The following PKD1L3 variants were observed in gnomAD, a reference collection of about 807,000 sequenced individuals.
PKD1L3 encodes polycystin-1-like protein 3.
Under a neutral mutation model 184.1 loss-of-function variants are expected in PKD1L3, and 239 were observed. The ratio of observed to expected loss-of-function variants is 1.30; its 90% CI spans 1.17 to 1.45. The LOEUF is 1.45. PKD1L3 is among the 40% of genes most tolerant of loss of function. PKD1L3 has a pLI of 0.00. For missense variants in PKD1L3, 2,660 were observed against 2,067.2 expected (o/e 1.29, Z -5.56); for synonymous variants, 996 against 778.8 (o/e 1.28, Z -4.64).
Position 71,969,969 on chromosome 16 carries a change from T to C in PKD1L3, c.2090A>G (p.Asn697Ser). ...TIKLFLRVTN[N>S]PVGVSLLASL... ...GGCCAGCAGTGACACCCCAACAGGA[T>C]TGTTGGTCACGCGAAGGAACAGTTT... is the stretch of plus-strand genomic sequence containing the variant. The change falls in exon 13 of 30, where the codon AAT becomes AGT. Residue 697 changes from asparagine (N) to serine (S), a missense_variant. Transcript: ENST00000620267. 8 of 1,551,794 alleles carry C rather than the reference T, an allele frequency of 5.2e-6. No homozygotes were observed. In the South Asian group the frequency reaches 7.1e-5, roughly 14 times the overall value.
At position 71,977,351 on chromosome 16, in the gene PKD1L3, G is replaced by A. The variant is rs1013604440; in HGVS notation, c.1644C>T (p.Ser548=). 6.5e-7 allele frequency: 1 copy of A among 1,548,370 alleles called. No homozygotes were observed. The highest frequency in any genetic ancestry group is 1.4e-5 in the African/African-American group (1 of 72,956). ...TTAAAAGGGGACTGTCAGGATCTAT[G>A]CTCACTATCAAGGATTTCTCCAAGG... is the stretch of plus-strand genomic sequence containing the variant. ...VTSLEKSLIV[S]IDPDSPLLMT... is the part of the protein sequence containing the mutation. Residue 548 remains serine, a synonymous_variant, in exon 11 of 30, where the codon AGC becomes AGT. Coordinates refer to ENST00000620267, the MANE Select transcript of PKD1L3 (RefSeq NM_181536.2).
chr16:71,985,400 C>T (rs1396779078), intron 5 of PKD1L3, among the ~76,000 whole-genome samples: 1 of 152,126 alleles, frequency 6.6e-6, no homozygotes, highest in African/African-American at 2.4e-5. Context: ...TTATTTTCTT[C>T]AGTCAATACT....
At chr16:71,938,145 C>A (rs2038242404) in intron 24 of PKD1L3, among the ~76,000 whole-genome samples, 1 of 152,150 alleles carries the variant, frequency 6.6e-6, no homozygotes, top group South Asian at 2.1e-4. Context: ...CTCAGGAAAC[C>A]CCCCTGCCCC....
rs201167023 is a variant in PKD1L3 at position 71,930,099 on chromosome 16, C to G, written c.5011G>C (p.Val1671Leu). 1 of 1,551,422 alleles carries G rather than the reference C, an allele frequency of 6.4e-7. No homozygotes were observed. Among genetic ancestry groups the G allele is most frequent in the Admixed American group, 2.0e-5 (1 of 50,978 alleles). Residue 1671 changes from valine to leucine, a missense_variant, in exon 29 of 30, where the codon GTT becomes CTT. Physicochemically the swap from Val to Leu is conservative, Grantham distance 32 (BLOSUM62 1). Coordinates refer to ENST00000620267, the MANE Select transcript of PKD1L3 (RefSeq NM_181536.2). ...CCAAAGGCCATGAGAATGGCCGAAA[C>G]GAAAAGATTAATTACCACAAGTACC... ...LMVLVVINLF[V>L]SAILMAFGKE... is the part of the protein sequence containing the mutation.
chr16:71,937,597 A>C (rs1018621356), intron 24 of PKD1L3, among the ~76,000 whole-genome samples, 178 bp from the exon 25 acceptor site: 1 of 152,198 alleles, frequency 6.6e-6, no homozygotes, highest in African/African-American at 2.4e-5. Flanking sequence ...TCATGTATGC[A>C]AAGCTATTGG....
At chr16:71,997,817 C>T (rs903783377) in intron 2 of PKD1L3, among the ~76,000 whole-genome samples, 14 of 151,908 alleles carry the variant, frequency 9.2e-5, no homozygotes, top group African/African-American at 2.9e-4. Context: ...CAAATGCATA[C>T]GTACATACAT....
intron 16 of PKD1L3, among the ~76,000 whole-genome samples, chr16:71,959,066 A>G (rs2143482294): frequency 6.9e-6 from 1 of 145,192 alleles, no homozygotes; most frequent in African/African-American, 2.6e-5. Context: ...CCTGGATGAC[A>G]GAGCAAGACT....
At chr16:71,979,480 AC>A (rs1173026324) in intron 9 of PKD1L3, among the ~76,000 whole-genome samples, 2 of 152,100 alleles carry the variant, frequency 1.3e-5, no homozygotes, top group Admixed American at 6.6e-5. Context: ...ACAAAACAAA[AC>A]AAAACAAAAC....
At chr16:71,972,134 T>C (rs1027098769) in intron 12 of PKD1L3, among the ~76,000 whole-genome samples, 7 of 152,012 alleles carry the variant, frequency 4.6e-5, no homozygotes, top group African/African-American at 1.5e-4. Context: ...GAGAATGGCA[T>C]GAACCTGGGA....
intron 7 of PKD1L3, among the ~76,000 whole-genome samples, chr16:71,980,726 T>C (rs1156584980): frequency 2.0e-5 from 3 of 152,110 alleles, no homozygotes; most frequent in Non-Finnish European, 4.4e-5. Flanking sequence ...TCTCAGCTAC[T>C]TGGGAGGCTG....
rs2040784028 is a variant in PKD1L3 at position 71,996,356 on chromosome 16, G to A, written c.418+1916C>T. On this transcript the variant is annotated intron_variant, in intron 2 of 29. Coordinates refer to ENST00000620267, the MANE Select transcript of PKD1L3 (RefSeq NM_181536.2). ...GGCTGACTGCAACCTCCGCCTCCCG[G>A]TTCAAGCGATTCTCCTGCCTCAGCC... Among the ~76,000 whole-genome samples the A allele has an allele frequency of 2.1e-5, 3 of 144,938 alleles. No individual in the cohort carries two copies. The South Asian group carries it at 6.7e-4, about 32-fold the overall frequency.
At position 71,935,395 on chromosome 16, in the gene PKD1L3, T is replaced by TA; in HGVS notation, c.4575dup (p.Lys1526Ter). 2.6e-6 allele frequency: 4 copies of TA among 1,551,856 alleles called. No homozygotes were observed. The highest frequency in any genetic ancestry group is 3.5e-6 in the Non-Finnish European group (4 of 1,147,018). On this transcript the variant is annotated frameshift_variant, in exon 26 of 30. Coordinates refer to ENST00000620267, the MANE Select transcript of PKD1L3 (RefSeq NM_181536.2). LOFTEE classifies it high-confidence loss of function. ...TCGCGGTATCGTGCCATGTTTTTCT[T>TA]ATGTAGAGAAATACTCTTCATGTCA...
chr16:71,962,894 T>C (rs1172685254), intron 16 of PKD1L3, among the ~76,000 whole-genome samples: 1 of 152,206 alleles, frequency 6.6e-6, no homozygotes, highest in African/African-American at 2.4e-5. Flanking sequence ...GTATCCTTTT[T>C]ATATTCCATT....
chr16:71,932,387 A>G (rs566769550), intron 28 of PKD1L3, among the ~76,000 whole-genome samples: 3 of 152,334 alleles, frequency 2.0e-5, no homozygotes, highest in African/African-American at 7.2e-5. Flanking sequence ...AGGAAATAAT[A>G]GGCTCTCTGA....
rs375456110 is a variant in PKD1L3 at position 71,949,955 on chromosome 16, A to C, written c.3446T>G (p.Leu1149Arg). ...EEGKKPISNG[L>R]SKWLTSVCWL... Reference sequence around the variant, plus strand: ...GCAGACTGAAGTCAACCATTTGGACAGGCCATTTGAGATGGGCTTTTTTCC... The same window carrying C: ...GCAGACTGAAGTCAACCATTTGGACCGGCCATTTGAGATGGGCTTTTTTCC... The change falls in exon 21 of 30, where the codon CTG becomes CGG. Residue 1149 changes from leucine to arginine, a missense_variant. Coordinates refer to ENST00000620267, the MANE Select transcript of PKD1L3 (RefSeq NM_181536.2). The C allele has an allele frequency of 6.3e-5, 97 of 1,551,710 alleles. No individual in the cohort carries two copies. In the African/African-American group the frequency reaches 9.3e-4, roughly 15 times the overall value.
chr16:71,939,149 G>A (rs1597283583), intron 24 of PKD1L3, among the ~76,000 whole-genome samples: 2 of 152,358 alleles, frequency 1.3e-5, no homozygotes, highest in African/African-American at 4.8e-5. Context: ...CAGTACATCT[G>A]GTCCAGCTTC....
At chr16:71,992,009 C>G (rs1264313936) in intron 3 of PKD1L3, among the ~76,000 whole-genome samples, 1 of 152,072 alleles carries the variant, frequency 6.6e-6, no homozygotes, top group Non-Finnish European at 1.5e-5. Context: ...TTTGTAGAGA[C>G]AGAGACCCAG....
chr16:71,963,011 G>A (rs959991471), intron 16 of PKD1L3, among the ~76,000 whole-genome samples, 194 bp downstream of exon 16: 5 of 151,970 alleles, frequency 3.3e-5, no homozygotes, highest in Non-Finnish European at 5.9e-5. Flanking sequence ...TTTATACTTC[G>A]AATCTCTTTT....
At chr16:71,971,068 G>C (rs992109000) in intron 12 of PKD1L3, among the ~76,000 whole-genome samples, 1 of 152,144 alleles carries the variant, frequency 6.6e-6, no homozygotes, top group Non-Finnish European at 1.5e-5. Flanking sequence ...ATGGCACGTA[G>C]AAGACACTCA....
Sources: gnomAD v4.1 joint callset for allele counts (sites outside exome capture counted in the v4.1 genomes callset) on GRCh38, gnomAD v4.1.1 for gene constraint, MANE v1.5 for transcripts, NCBI Gene and HGNC (gene_info 2026-07-23, HGNC 2026-07-21) for gene names.